The following TEKT5 variants were observed in gnomAD, a reference collection of about 807,000 sequenced individuals.
TEKT5 encodes tektin-5.
A neutral mutation model predicts 48.7 loss-of-function variants in TEKT5; 52 were observed. That is an observed-to-expected ratio of 1.07 (90% CI 0.86 to 1.35). The LOEUF is 1.35. Ranked by LOEUF, TEKT5 falls within the 40% of genes most tolerant of loss-of-function variation. The pLI is 0.00. For missense variants in TEKT5, 831 were observed against 641.6 expected, an observed-to-expected ratio of 1.30 and a Z score of -3.19; for synonymous variants, 318 against 267.6, an observed-to-expected ratio of 1.19 and a Z score of -1.84.
At chr16:10,678,958 G>A (rs997293905) in intron 4 of TEKT5, among the ~76,000 whole-genome samples, 1 of 152,168 alleles carries the variant, frequency 6.6e-6, no homozygotes, top group Non-Finnish European at 1.5e-5. Context: ...GGAGAGGCAG[G>A]AAGGCACCAT....
At chr16:10,679,758 G>A (rs554212621) in intron 4 of TEKT5, among the ~76,000 whole-genome samples, 42 of 152,140 alleles carry the variant, frequency 2.8e-4, no homozygotes, top group African/African-American at 2.9e-4. Context: ...TTAGCTGGGC[G>A]TGATGGCACA....
At chr16:10,692,363 C>G (rs1281022310) in intron 1 of TEKT5, among the ~76,000 whole-genome samples, 1 of 152,116 alleles carries the variant, frequency 6.6e-6, no homozygotes. Flanking sequence ...TGATAGAAAC[C>G]TATGCCATGT....
At chr16:10,674,337 A>G (rs75373958) in intron 5 of TEKT5, among the ~76,000 whole-genome samples, 2,977 of 152,072 alleles carry the variant, frequency 0.02, 136 homozygotes, top group East Asian at 0.17. Flanking sequence ...GATTTCATGG[A>G]AACTCCTGTT....
intron 5 of TEKT5, among the ~76,000 whole-genome samples, chr16:10,655,938 C>T (rs1047243801): frequency 6.6e-6 from 1 of 152,148 alleles, no homozygotes. Flanking sequence ...TATTTGGGGT[C>T]TTCTATTACA....
At chr16:10,633,320 C>T (rs1315350694) in intron 6 of TEKT5, among the ~76,000 whole-genome samples, 1 of 152,056 alleles carries the variant, frequency 6.6e-6, no homozygotes, top group East Asian at 1.9e-4. Context: ...AAGATCGTGC[C>T]ACTGCACTCC....
At chr16:10,673,120 T>G (rs183576833) in intron 5 of TEKT5, among the ~76,000 whole-genome samples, 1 of 152,244 alleles carries the variant, frequency 6.6e-6, no homozygotes. Context: ...CCAAAAGATA[T>G]GAGATGGAAG....
chr16:10,675,951 C>A lies in TEKT5; in HGVS notation c.1086+8G>T. 2 of 1,613,956 alleles carry A rather than the reference C, an allele frequency of 1.2e-6. No individual in the cohort carries two copies. Among genetic ancestry groups the A allele is most frequent in the Non-Finnish European group, 1.7e-6 (2 of 1,179,928 alleles). ...GAGAAGGCAGGGGTCCTGGGAGGAT[C>A]TGCTCACCTTCGCCAGCTGCGTCTG... On this transcript the variant is annotated splice_region_variant and intron_variant, in intron 5 of 6. Coordinates refer to ENST00000283025, the MANE Select transcript of TEKT5 (RefSeq NM_144674.2).
At chr16:10,632,013 T>C (rs982931274) in intron 6 of TEKT5, among the ~76,000 whole-genome samples, 2 of 152,158 alleles carry the variant, frequency 1.3e-5, no homozygotes, top group African/African-American at 4.8e-5. Context: ...GTCCCACCTC[T>C]GGGGAGAAGA....
In TEKT5 at chr16:10,627,732, G is replaced by C. The variant is rs566789133; in HGVS notation, c.1309C>G (p.Gln437Glu). The change falls in exon 7 of 7, where the codon CAG becomes GAG. Residue 437 changes from glutamine to glutamate, a missense_variant. Physicochemically the swap from Gln to Glu is conservative, Grantham distance 29. Transcript: ENST00000283025. ...ATGACCAGCAGCTGCAGCGTGTCCT[G>C]TGTCTCCCGCAGCCGCAGCTTGAGG... is the stretch of plus-strand genomic sequence containing the variant. ...QTLKLRLRET[Q>E]DTLQLLVMTK... 2 of 1,614,182 alleles carry C rather than the reference G, an allele frequency of 1.2e-6. No homozygotes were observed. The highest frequency in any genetic ancestry group is 1.3e-5 in the African/African-American group (1 of 75,062).
rs555067558 is a variant in TEKT5 at position 10,680,112 on chromosome 16, C to T, written c.863+1881G>A. Among the ~76,000 whole-genome samples, 245 of 152,330 alleles carry T rather than the reference C, an allele frequency of 1.6e-3. 3 individuals carry two copies. Among genetic ancestry groups the T allele is most frequent in the East Asian group, 0.012 (61 of 5,174 alleles). ...AGAGGAATCTGTTTGGGAAGAGAGA[C>T]CCTCTGGACTCCCTGTGCAGATGAG... On this transcript the variant is annotated intron_variant, in intron 4 of 6. Coordinates refer to ENST00000283025, the MANE Select transcript of TEKT5 (RefSeq NM_144674.2).
intron 5 of TEKT5, among the ~76,000 whole-genome samples, chr16:10,669,484 T>C (rs544632417): frequency 6.6e-6 from 1 of 152,082 alleles, no homozygotes; most frequent in African/African-American, 2.4e-5. Flanking sequence ...AAAGGGAGAT[T>C]GGCAGGTGTT....
Position 10,694,587 on chromosome 16 carries a change from TG to T in TEKT5, c.286del (p.Gln96SerfsTer20). ...FSRYSPHDWD[Q>X]SNQLQVRGAE... ...CCCACGCACCTGCAGCTGGTTGGAC[TG>T]GTCCCAGTCGTGGGGGCTATAGCGA... On this transcript the variant is annotated frameshift_variant, in exon 1 of 7. Transcript: ENST00000283025. LOFTEE classifies it high-confidence loss of function. 1.2e-6 allele frequency: 2 copies of T among 1,606,376 alleles called. No individual in the cohort carries two copies. Among genetic ancestry groups the T allele is most frequent in the Non-Finnish European group, 1.7e-6 (2 of 1,176,128 alleles).
intron 5 of TEKT5, among the ~76,000 whole-genome samples, chr16:10,661,664 G>T (rs1898373324): frequency 6.6e-6 from 1 of 152,126 alleles, no homozygotes; most frequent in African/African-American, 2.4e-5. Context: ...AAGGACTTGA[G>T]AACTTATGGA....
chr16:10,636,375 C>CAAA (rs35709495), intron 5 of TEKT5, among the ~76,000 whole-genome samples: 6 of 138,226 alleles, frequency 4.3e-5, no homozygotes, highest in Non-Finnish European at 7.8e-5. Context: ...GACTTTGTCT[C>CAAA]AAAAAAAAAA....
At chr16:10,633,367 AC>A (rs1897867853) in intron 6 of TEKT5, among the ~76,000 whole-genome samples, 2 of 151,802 alleles carry the variant, frequency 1.3e-5, no homozygotes, top group Admixed American at 6.6e-5. Flanking sequence ...TTAAAAAAAA[AC>A]TCTCGTTGGG....
chr16:10,671,820 T>C (rs888461845), intron 5 of TEKT5: 6 of 152,196 alleles, frequency 3.9e-5, no homozygotes, highest in African/African-American at 1.4e-4. Context: ...AACTCCCTTT[T>C]ATAGAACCAC....
At chr16:10,665,823 A>G (rs1898446697) in intron 5 of TEKT5, among the ~76,000 whole-genome samples, 1 of 152,160 alleles carries the variant, frequency 6.6e-6, no homozygotes, top group African/African-American at 2.4e-5. Context: ...GTAGAGACCT[A>G]CCTATGCATG....
chr16:10,674,773 G>A (rs2142300125), intron 5 of TEKT5, among the ~76,000 whole-genome samples: 1 of 151,798 alleles, frequency 6.6e-6, no homozygotes, highest in South Asian at 2.1e-4. Context: ...CCTGCCTGCA[G>A]CCCACTAATC....
At chr16:10,693,197 G>T (rs1412361621) in intron 1 of TEKT5, among the ~76,000 whole-genome samples, 1 of 152,222 alleles carries the variant, frequency 6.6e-6, no homozygotes, top group Non-Finnish European at 1.5e-5. Flanking sequence ...CTGGGTTCAA[G>T]AGATTCTTAT....
Sources: gnomAD v4.1 joint callset for allele counts (sites outside exome capture counted in the v4.1 genomes callset) on GRCh38, gnomAD v4.1.1 for gene constraint, MANE v1.5 for transcripts, NCBI Gene and HGNC (gene_info 2026-07-23, HGNC 2026-07-21) for gene names.